Variants in PHYHIPL observed in about 807,000 individuals in gnomAD.
PHYHIPL encodes the protein phytanoyl-CoA 2-hydroxylase interacting protein like.
In PHYHIPL, 9 loss-of-function variants were observed where a neutral mutation model predicts 33.4. The ratio of observed to expected loss-of-function variants is 0.27; its 90% CI spans 0.16 to 0.47. The LOEUF is 0.47. Among genes scored for constraint, PHYHIPL ranks in the 20% least tolerant of loss-of-function variants. The probability of loss-of-function intolerance (pLI) is 0.99; values close to 1 mark genes in which losing one functional copy is unlikely to be tolerated. For missense variants in PHYHIPL, 365 were observed against 460.7 expected, an observed-to-expected ratio of 0.79 and a Z score of 1.90; for synonymous variants, 153 against 154.1, an observed-to-expected ratio of 0.99 and a Z score of 0.05.
At chr10:59,179,391 G>A (rs968429622) in intron 1 of PHYHIPL, among the ~76,000 whole-genome samples, 1 of 152,068 alleles carries the variant, frequency 6.6e-6, no homozygotes, top group Admixed American at 6.6e-5. Context: ...TTGTGTTTAA[G>A]TACCTAATAA....
intron 1 of PHYHIPL, among the ~76,000 whole-genome samples, chr10:59,201,460 A>G (rs2440863): frequency 0.05 from 7,625 of 152,144 alleles, 505 homozygotes; most frequent in African/African-American, 0.15. Flanking sequence ...CATTTGCTGA[A>G]GAGAGCTTTA....
chr10:59,221,178 C>G (rs1157031918), intron 1 of PHYHIPL, among the ~76,000 whole-genome samples: 1 of 151,800 alleles, frequency 6.6e-6, no homozygotes, highest in Non-Finnish European at 1.5e-5. Context: ...TTCTGTTTAA[C>G]TTTAGAAAAA....
chr10:59,213,397 G>A (rs1839521808), intron 1 of PHYHIPL, among the ~76,000 whole-genome samples: 1 of 151,912 alleles, frequency 6.6e-6, no homozygotes, highest in Admixed American at 6.6e-5. Context: ...CTGCTGCATT[G>A]CCTTTAACAC....
chr10:59,207,981 G>A (rs1462624273), intron 1 of PHYHIPL, among the ~76,000 whole-genome samples: 1 of 152,006 alleles, frequency 6.6e-6, no homozygotes, highest in East Asian at 1.9e-4. Context: ...GGGAAGGGAC[G>A]GCTGTCGGCG....
At chr10:59,217,654 A>G (rs1839655347) in intron 1 of PHYHIPL, among the ~76,000 whole-genome samples, 1 of 151,838 alleles carries the variant, frequency 6.6e-6, no homozygotes, top group Admixed American at 6.6e-5. Context: ...TGAAGAAAAT[A>G]TATAAAATAT....
intron 4 of PHYHIPL, among the ~76,000 whole-genome samples, chr10:59,240,234 A>C (rs2133297498): frequency 6.6e-6 from 1 of 152,150 alleles, no homozygotes; most frequent in South Asian, 2.1e-4. Flanking sequence ...GATAGATATA[A>C]CATAAATTAT....
Position 59,183,728 on chromosome 10 carries a change from T to C in PHYHIPL, c.106+6769T>C, listed in dbSNP as rs946530322. On this transcript the variant is annotated intron_variant, in intron 1 of 4. Coordinates refer to ENST00000373880, the MANE Select transcript of PHYHIPL (RefSeq NM_032439.4). ...GAATTGTCGTTAGTTTTGTTTGTTA[T>C]GTTATGACTATTTGAGCCATGTAGT... The C allele has an allele frequency of 1.7e-4, 162 of 963,402 alleles. No individual in the cohort carries two copies. The African/African-American group carries it at 2.7e-3, about 16-fold the overall frequency. The allele number at this position is 963,402 out of a possible 1,614,324, so 59.7% of individuals were successfully genotyped here.
intron 1 of PHYHIPL, among the ~76,000 whole-genome samples, chr10:59,222,822 A>G (rs1275550725): frequency 2.0e-5 from 3 of 152,176 alleles, no homozygotes; most frequent in African/African-American, 7.2e-5. Context: ...GATAGAGTGA[A>G]TTAATAATTG....
rs1840720200 is a variant in PHYHIPL at position 59,246,487 on chromosome 10, A to C, written c.*896A>C. On this transcript the variant is annotated 3_prime_UTR_variant, in exon 5 of 5. Coordinates refer to ENST00000373880, the MANE Select transcript of PHYHIPL (RefSeq NM_032439.4). ...CTTCAACATCATACTTAAACATTAC[A>C]GAAAATAGAAATACAAACAAGGTTG... 4 of 387,576 alleles carry C rather than the reference A, an allele frequency of 1.0e-5. No individual in the cohort carries two copies. Among genetic ancestry groups the C allele is most frequent in the Admixed American group, 8.9e-5 (2 of 22,452 alleles). 24.0% of individuals were successfully genotyped at this position (387,576 alleles called of 1,614,324 possible). A position where few individuals can be genotyped will look rare whatever the true frequency, so the allele number is the denominator to read the frequency against.
chr10:59,189,573 A>C (rs888175871), intron 1 of PHYHIPL, among the ~76,000 whole-genome samples: 1 of 151,916 alleles, frequency 6.6e-6, no homozygotes, highest in Non-Finnish European at 1.5e-5. Context: ...CATGCATTCC[A>C]ACTTTAGGTT....
At position 59,245,689 on chromosome 10, in the gene PHYHIPL, A is replaced by G. The variant is rs1039265132; in HGVS notation, c.*98A>G. 5 of 1,305,270 alleles carry G rather than the reference A, an allele frequency of 3.8e-6. No individual in the cohort carries two copies. Among genetic ancestry groups the G allele is most frequent in the African/African-American group, 1.5e-5 (1 of 67,620 alleles). The allele number at this position is 1,305,270 out of a possible 1,614,324, so 80.9% of individuals were successfully genotyped here. A position where few individuals can be genotyped will look rare whatever the true frequency, so the allele number is the denominator to read the frequency against. On this transcript the variant is annotated 3_prime_UTR_variant, in exon 5 of 5. Coordinates refer to ENST00000373880, the MANE Select transcript of PHYHIPL (RefSeq NM_032439.4). ...ATCACCAGATGTTTTCCACTGAAGC[A>G]TGCACATGCCACTGTCACCAAAACA...
chr10:59,200,007 G>A (rs965727818), intron 1 of PHYHIPL, among the ~76,000 whole-genome samples: 1 of 152,132 alleles, frequency 6.6e-6, no homozygotes, highest in African/African-American at 2.4e-5. Flanking sequence ...TGCAAACAGG[G>A]TCAATTTGAC....
At chr10:59,215,348 A>T (rs911686256) in intron 1 of PHYHIPL, among the ~76,000 whole-genome samples, 29 of 152,056 alleles carry the variant, frequency 1.9e-4, no homozygotes, top group African/African-American at 7.0e-4. Context: ...AAACATTTGG[A>T]TAATTCATTA....
At chr10:59,177,548 T>C (rs1838287357) in intron 1 of PHYHIPL, 1 of 1,551,744 alleles carries the variant, frequency 6.4e-7, no homozygotes, top group Non-Finnish European at 8.7e-7. Flanking sequence ...TCTTCATGGT[T>C]CCTGGGCTCT....
rs202003257 is a variant in PHYHIPL, at chr10:59,240,501, TA to T, written c.596+1807del. Among the ~76,000 whole-genome samples the T allele has an allele frequency of 2.9e-3, 419 of 144,878 alleles. 2 individuals are homozygous for T. The highest frequency in any genetic ancestry group is 0.021 in the East Asian group (107 of 5,024). On this transcript the variant is annotated intron_variant, in intron 4 of 4. Coordinates refer to ENST00000373880, the MANE Select transcript of PHYHIPL (RefSeq NM_032439.4). ...ATTATCTAACAGAAAGTCTATTTTA[TA>T]AAAAAAAAAAGTGTTGAAAAGATCA...
chr10:59,181,180 A>G (rs949498748), intron 1 of PHYHIPL, among the ~76,000 whole-genome samples: 3 of 152,188 alleles, frequency 2.0e-5, no homozygotes, highest in Admixed American at 6.5e-5. Flanking sequence ...GTTGATATTA[A>G]TACAAAATAG....
At chr10:59,224,296 C>T (rs1839858618) in intron 1 of PHYHIPL, among the ~76,000 whole-genome samples, 1 of 151,760 alleles carries the variant, frequency 6.6e-6, no homozygotes. Flanking sequence ...GTATGTTAAC[C>T]TACACCTTTG....
At position 59,245,043 on chromosome 10, in the gene PHYHIPL, G is replaced by A. The variant is rs1035219594; in HGVS notation, c.597-14G>A. The A allele has an allele frequency of 4.4e-6, 7 of 1,590,316 alleles. No homozygotes were observed. The highest frequency in any genetic ancestry group is 2.2e-5 in the East Asian group (1 of 44,780). On this transcript the variant is annotated splice_polypyrimidine_tract_variant and intron_variant, in intron 4 of 4. Coordinates refer to ENST00000373880, the MANE Select transcript of PHYHIPL (RefSeq NM_032439.4). ...CTATTGTATTAAGCAGTGACCACTTGTTTTCTCTTGCAGAGAACATCATGG... is the reference window on the plus strand; with the variant it reads ...CTATTGTATTAAGCAGTGACCACTTATTTTCTCTTGCAGAGAACATCATGG...
At position 59,176,959 on chromosome 10, in the gene PHYHIPL, G is replaced by A; in HGVS notation, c.106G>A (p.Gly36Arg). The A allele has an allele frequency of 1.2e-6, 2 of 1,612,370 alleles. No homozygotes were observed. The highest frequency in any genetic ancestry group is 1.3e-5 in the African/African-American group (1 of 75,046). The change falls in exon 1 of 5, where the codon GGG becomes AGG. Residue 36 changes from glycine (G) to arginine (R), a missense_variant and splice_region_variant. Gly to Arg is a moderately radical substitution (Grantham distance 125). This residue lies in a region of PHYHIPL where 89 missense variants were observed against 78.3 expected (regional missense o/e 1.14). Transcript: ENST00000373880. ...LEAIQLCDRD[G>R]NKSQDSGIAE... ...GGCCATTCAGCTGTGCGACCGGGAC[G>A]GTAAGAGCGGCCGGGACCGCGAGGA...
Sources: allele counts gnomAD v4.1 joint callset (sites outside exome capture counted in the v4.1 genomes callset), GRCh38; gene constraint gnomAD v4.1.1; regional missense constraint gnomAD v4.1.1; transcripts MANE v1.5; gene names NCBI Gene and HGNC (gene_info 2026-07-23, HGNC 2026-07-21).